SIRPA: variants seen among roughly 807,000 people sequenced by gnomAD.
SIRPA encodes the protein signal regulatory protein alpha.
In SIRPA, 9 loss-of-function variants were observed where a neutral mutation model predicts 50.3. That is an observed-to-expected ratio of 0.18 (90% CI 0.11 to 0.31). The LOEUF (loss-of-function observed/expected upper bound fraction) is 0.31, where lower values mean the gene tolerates loss of function less well. Among genes scored for constraint, SIRPA ranks in the 10% least tolerant of loss-of-function variants. SIRPA has a pLI of 1.00. For synonymous variants in SIRPA, 265 were observed against 284.1 expected, an observed-to-expected ratio of 0.93 and a Z score of 0.68; for missense variants, 474 against 661.6, an observed-to-expected ratio of 0.72 and a Z score of 3.11.
rs1215752777 is a variant in SIRPA at position 1,912,496 on chromosome 20, A to G, written c.80-2603A>G. 4.6e-5 allele frequency among the ~76,000 whole-genome samples: 7 copies of G among 152,172 alleles called. No homozygotes were observed. In the South Asian group the frequency reaches 8.3e-4, roughly 18 times the overall value. ...TACCGCATTCATTCTGCATATTTTT[A>G]TCGATGACACTGTGTTTTAGGCAGG... On this transcript the variant is annotated intron_variant, in intron 1 of 7. Transcript: ENST00000358771.
rs1167218896 is a variant in SIRPA at position 1,938,458 on chromosome 20, C to T, written c.*890C>T. On this transcript the variant is annotated 3_prime_UTR_variant, in exon 8 of 8. Coordinates refer to ENST00000358771, the MANE Select transcript of SIRPA (RefSeq NM_001040023.2). ...GTTTTTTTTCTTAAAACAACAGCAACGTGATCTTGGCTGTCTGTCATGTGT... is the reference window on the plus strand; with the variant it reads ...GTTTTTTTTCTTAAAACAACAGCAATGTGATCTTGGCTGTCTGTCATGTGT... 6 of 152,678 alleles carry T rather than the reference C, an allele frequency of 3.9e-5. No homozygotes were observed. Among genetic ancestry groups the T allele is most frequent in the Non-Finnish European group, 7.3e-5 (5 of 68,054 alleles). The allele number at this position is 152,678 out of a possible 1,614,324, so 9.5% of individuals were successfully genotyped here.
intron 1 of SIRPA, among the ~76,000 whole-genome samples, chr20:1,905,001 G>T (rs1984460897): frequency 6.6e-6 from 1 of 152,154 alleles, no homozygotes; most frequent in Non-Finnish European, 1.5e-5. Context: ...TTCCCCATCT[G>T]CAAAATGGAA....
At chr20:1,918,479 TG>T (rs1017731591) in intron 2 of SIRPA, among the ~76,000 whole-genome samples, 3 of 151,158 alleles carry the variant, frequency 2.0e-5, no homozygotes, top group African/African-American at 7.3e-5. Context: ...CCCAAAGTGC[TG>T]GGATTACAGG....
At chr20:1,896,558 T>C (rs1983839493) in intron 1 of SIRPA, among the ~76,000 whole-genome samples, 2 of 152,062 alleles carry the variant, frequency 1.3e-5, no homozygotes, top group Admixed American at 1.3e-4. Flanking sequence ...CAGTGGGGTC[T>C]CTCTGTACCT....
rs1441339059 is a variant in SIRPA at position 1,924,965 on chromosome 20, A to C, written c.1201+88A>C. The C allele has an allele frequency of 2.0e-6, 2 of 1,023,704 alleles. No individual in the cohort carries two copies. The highest frequency in any genetic ancestry group is 3.0e-6 in the Non-Finnish European group (2 of 661,764). 63.4% of individuals were successfully genotyped at this position (1,023,704 alleles called of 1,614,324 possible). A position where few individuals can be genotyped will look rare whatever the true frequency, so the allele number is the denominator to read the frequency against. ...CCATTAGGTGCTTTGGGTTAAGGAC[A>C]TCAGCTTCTGCCAGTAGCAAGAAGT... On this transcript the variant is annotated intron_variant, in intron 5 of 7. Coordinates refer to ENST00000358771, the MANE Select transcript of SIRPA (RefSeq NM_001040023.2). This position sits in a 1 kb window ranked among gnomAD's most constrained non-coding sequence, Gnocchi z 4.5.
intron 2 of SIRPA, among the ~76,000 whole-genome samples, chr20:1,919,673 T>G (rs1985526236): frequency 6.6e-6 from 1 of 152,188 alleles, no homozygotes; most frequent in South Asian, 2.1e-4. Context: ...CACCAAGATG[T>G]CACGGAGGAG....
chr20:1,937,671 C>T lies in SIRPA; in HGVS notation c.*103C>T, dbSNP rs953087427. 28 of 1,476,942 alleles carry T rather than the reference C, an allele frequency of 1.9e-5. No individual in the cohort carries two copies. The highest frequency in any genetic ancestry group is 1.4e-4 in the Admixed American group (7 of 51,050). 91.5% of individuals were successfully genotyped at this position (1,476,942 alleles called of 1,614,324 possible). A position where few individuals can be genotyped will look rare whatever the true frequency, so the allele number is the denominator to read the frequency against. On this transcript the variant is annotated 3_prime_UTR_variant, in exon 8 of 8. Transcript: ENST00000358771. The surrounding 1 kb of genome is among the most constrained non-coding windows in gnomAD (Gnocchi z 8.3). ...CAACCCAGTTCCCGGAGGGCTGGGG[C>T]GGTGCAGGCTCTGGGACCCAGGGGC... is the stretch of plus-strand genomic sequence containing the variant.
upstream of SIRPA, chr20:1,894,196 C>G (rs1029508351): frequency 1.7e-4 from 26 of 152,390 alleles, no homozygotes; most frequent in African/African-American, 6.0e-4. The surrounding 1 kb of genome is among the most constrained non-coding windows in gnomAD (Gnocchi z 4.0). Context: ...CAAGAGGGGC[C>G]TTCAGCTTTG....
intron 1 of SIRPA, among the ~76,000 whole-genome samples, chr20:1,895,929 CAGGGTGTGAGGGG>C (rs1204673662): frequency 2.0e-5 from 3 of 152,188 alleles, no homozygotes; most frequent in Non-Finnish European, 4.4e-5. Context: ...TGTTTGACTT[CAGGGTGTGAGGGG>C]AGGAGGTGAG....
intron 1 of SIRPA, among the ~76,000 whole-genome samples, chr20:1,900,098 T>C (rs376706912): frequency 1.5e-5 from 2 of 137,370 alleles, no homozygotes; most frequent in African/African-American, 3.2e-5. Context: ...TAGCTTTTTT[T>C]TTTTCTTTTT....
At chr20:1,908,223 C>G (rs934130158) in intron 1 of SIRPA, among the ~76,000 whole-genome samples, 7 of 152,096 alleles carry the variant, frequency 4.6e-5, no homozygotes, top group Non-Finnish European at 1.0e-4. Flanking sequence ...GGACACACTC[C>G]CGAACACAGG....
chr20:1,921,523 A>T lies in SIRPA; in HGVS notation c.565A>T (p.Asn189Tyr), dbSNP rs764759187. 2 of 1,613,990 alleles carry T rather than the reference A, an allele frequency of 1.2e-6. No individual in the cohort carries two copies. Among genetic ancestry groups the T allele is most frequent in the African/African-American group, 2.7e-5 (2 of 74,918 alleles). The part of the protein sequence containing the change: ...DITLKWFKNG[N>Y]ELSDFQTNVD... ...CACCCTGAAATGGTTCAAAAATGGGAATGAGCTCTCAGACTTCCAGACCAA... is the reference window on the plus strand; with the variant it reads ...CACCCTGAAATGGTTCAAAAATGGGTATGAGCTCTCAGACTTCCAGACCAA... The change falls in exon 3 of 8, where the codon AAT becomes TAT. Residue 189 changes from asparagine (N) to tyrosine (Y), a missense_variant. Physicochemically the swap from Asn to Tyr is moderately radical, Grantham distance 143. Coordinates refer to ENST00000358771, the MANE Select transcript of SIRPA (RefSeq NM_001040023.2).
intron 2 of SIRPA, among the ~76,000 whole-genome samples, chr20:1,916,705 C>A (rs1294917189): frequency 6.6e-6 from 1 of 152,172 alleles, no homozygotes; most frequent in Admixed American, 6.5e-5. Context: ...TATGGAAATA[C>A]CAGATTTATT....
intron 1 of SIRPA, among the ~76,000 whole-genome samples, chr20:1,908,379 C>T (rs545676864): frequency 7.2e-4 from 109 of 152,156 alleles, no homozygotes; most frequent in Non-Finnish European, 1.2e-3. Flanking sequence ...CACACACATA[C>T]ACACCACACT....
rs934654149 is a variant in SIRPA, at chr20:1,928,412, C to T, written c.1226+513C>T. Among the ~76,000 whole-genome samples, 2 of 152,162 alleles carry T rather than the reference C, an allele frequency of 1.3e-5. No homozygotes were observed. Among genetic ancestry groups the T allele is most frequent in the Admixed American group, 1.3e-4 (2 of 15,278 alleles). On this transcript the variant is annotated intron_variant, in intron 6 of 7. Transcript: ENST00000358771. The surrounding 1 kb of genome is among the most constrained non-coding windows in gnomAD (Gnocchi z 4.9). Reference sequence around the variant, plus strand: ...CATCACTGATGTACGTCACCGATGGCACTTTAGTTTGTTGATTCACATTTT... The same window carrying T: ...CATCACTGATGTACGTCACCGATGGTACTTTAGTTTGTTGATTCACATTTT...
chr20:1,919,553 C>T (rs562423279), intron 2 of SIRPA, among the ~76,000 whole-genome samples: 1 of 152,308 alleles, frequency 6.6e-6, no homozygotes, highest in African/African-American at 2.4e-5. Flanking sequence ...TGCTCAGATC[C>T]AGCCTCAGTG....
At chr20:1,935,227 C>T (rs1986511325) in intron 7 of SIRPA, among the ~76,000 whole-genome samples, 1 of 152,220 alleles carries the variant, frequency 6.6e-6, no homozygotes, top group Non-Finnish European at 1.5e-5. Context: ...TCATTAATTA[C>T]CTCACACAAG....
intron 1 of SIRPA, among the ~76,000 whole-genome samples, chr20:1,900,103 C>CTT (rs11481009): frequency 7.2e-4 from 92 of 127,158 alleles, no homozygotes; most frequent in Middle Eastern, 4.2e-3. Flanking sequence ...TTTTTTTTTT[C>CTT]TTTTTTTTTT....
At chr20:1,895,565 A>C in intron 1 of SIRPA, 39 bp downstream of exon 1, 3 of 1,365,408 alleles carry the variant, frequency 2.2e-6, no homozygotes, top group Non-Finnish European at 2.8e-6. Flanking sequence ...CACTCCCCAA[A>C]CTGCGGGCTC....
Sources: allele counts gnomAD v4.1 joint callset (sites outside exome capture counted in the v4.1 genomes callset), GRCh38; gene constraint gnomAD v4.1.1; non-coding constraint Gnocchi (gnomAD v3.1); transcripts MANE v1.5; gene names NCBI Gene and HGNC (gene_info 2026-07-23, HGNC 2026-07-21).